Variants in CD109 observed in about 807,000 individuals in gnomAD.
CD109 encodes the protein CD109 antigen.
In CD109, 149 loss-of-function variants were observed where a neutral mutation model predicts 165.8. The ratio of observed to expected loss-of-function variants is 0.90; its 90% CI spans 0.79 to 1.03. CD109 has a LOEUF of 1.03. CD109 is among the 50% of genes least tolerant of loss of function. CD109 has a pLI of 0.00. For missense variants in CD109, 1,712 were observed against 1,677.8 expected (o/e 1.02, Z -0.36); for synonymous variants, 585 against 592.1 (o/e 0.99, Z 0.18).
At chr6:73,807,979 A>T in intron 25 of CD109, 104 bp from the exon 26 acceptor site, 1 of 938,864 alleles carries the variant, frequency 1.1e-6, no homozygotes, top group Non-Finnish European at 1.6e-6. Flanking sequence ...TACTTCATAG[A>T]CACTGAACTT....
intron 3 of CD109, among the ~76,000 whole-genome samples, chr6:73,727,040 C>T (rs1184917525): frequency 6.6e-6 from 1 of 152,164 alleles, no homozygotes; most frequent in African/African-American, 2.4e-5. Flanking sequence ...ACTGTGGCCC[C>T]AAGACGGCAG....
chr6:73,686,621 G>A, the CD109 span, among the ~76,000 whole-genome samples: 1 of 152,154 alleles, frequency 6.6e-6, no homozygotes. Context: ...TTAGCCACAT[G>A]TGGCTACTTA....
In CD109 at chr6:73,756,953, T is replaced by G. The variant is rs41265525; in HGVS notation, c.673+271T>G. Among the ~76,000 whole-genome samples, 563 of 152,352 alleles carry G rather than the reference T, an allele frequency of 3.7e-3. 2 individuals are homozygous for G. Among genetic ancestry groups the G allele is most frequent in the Non-Finnish European group, 6.5e-3 (441 of 68,030 alleles). The stretch of plus-strand genomic sequence containing the variant: ...TGATTTTTCTATTTTTCTACTTTGT[T>G]GTGATAAAAAAATATTTAAAGTGTT... On this transcript the variant is annotated intron_variant, in intron 6 of 32. Transcript: ENST00000287097.
In CD109 at chr6:73,781,333, G is replaced by A; in HGVS notation, c.1963+14G>A. On this transcript the variant is annotated intron_variant, in intron 17 of 32. Coordinates refer to ENST00000287097, the MANE Select transcript of CD109 (RefSeq NM_133493.5). ...TTGATGGTGTTTGTAAGTAATACAT[G>A]GCGACATGCTTGTATTTGTCTTTCA... 1 of 1,604,632 alleles carries A rather than the reference G, an allele frequency of 6.2e-7. No individual in the cohort carries two copies. The highest frequency in any genetic ancestry group is 8.5e-7 in the Non-Finnish European group (1 of 1,171,772).
rs575696711 is a variant in CD109 at position 73,721,610 on chromosome 6, C to T, written c.248-1641C>T. On this transcript the variant is annotated intron_variant, in intron 2 of 32. Coordinates refer to ENST00000287097, the MANE Select transcript of CD109 (RefSeq NM_133493.5). ...CAATCTCCTGACCTCATGATCCACC[C>T]GCCTCGGCCTCCCAAAGTGCTGGGA... 5.9e-5 allele frequency among the ~76,000 whole-genome samples: 9 copies of T among 152,080 alleles called. No individual in the cohort carries two copies. The East Asian group carries it at 1.4e-3, about 23-fold the overall frequency.
intron 4 of CD109, among the ~76,000 whole-genome samples, chr6:73,732,538 A>G (rs985650141): frequency 3.9e-5 from 6 of 152,344 alleles, no homozygotes; most frequent in African/African-American, 1.4e-4. Context: ...ATCTTTCATC[A>G]TTTATCCACA....
chr6:73,820,551 T>C lies in CD109; in HGVS notation c.4150T>C (p.Tyr1384His), dbSNP rs561961537. The C allele has an allele frequency of 6.3e-7, 1 of 1,582,076 alleles. No homozygotes were observed. The highest frequency in any genetic ancestry group is 1.3e-5 in the African/African-American group (1 of 74,200). Residue 1384 changes from tyrosine (Y) to histidine (H), a missense_variant, in exon 32 of 33, where the codon TAC (tyrosine) becomes CAC (histidine). By Grantham distance (83) the Tyr-to-His change is moderately conservative. Coordinates refer to ENST00000287097, the MANE Select transcript of CD109 (RefSeq NM_133493.5). ...AGATGCTTCAGTGTCCATAGTGGAT[T>C]ACTATGAGCCAAGTAAGTATGCTCT... ...TQDASVSIVD[Y>H]YEPRRQAVRS... is the part of the protein sequence containing the mutation.
intron 14 of CD109, 36 bp from the exon 15 acceptor site, chr6:73,771,393 G>C (rs557217293): frequency 4.2e-5 from 66 of 1,559,410 alleles, no homozygotes. Flanking sequence ...CTTTAAAAAA[G>C]TGAAATAAGT....
In CD109 at chr6:73,808,030, A is replaced by G. The variant is rs1775630096; in HGVS notation, c.3190-53A>G. ...GTTTCAAAGTACTTTTTGTTTCAGT[A>G]TGTGGTAATGGGTTACTCTGAATAG... On this transcript the variant is annotated intron_variant, in intron 25 of 32. Transcript: ENST00000287097. The G allele has an allele frequency of 2.6e-6, 4 of 1,514,264 alleles. No individual in the cohort carries two copies. The East Asian group carries it at 6.8e-5, about 26-fold the overall frequency. The allele number at this position is 1,514,264 out of a possible 1,614,324, so 93.8% of individuals were successfully genotyped here. A position where few individuals can be genotyped will look rare whatever the true frequency, so the allele number is the denominator to read the frequency against.
intron 2 of CD109, among the ~76,000 whole-genome samples, chr6:73,703,333 C>A (rs574691525): frequency 1.3e-5 from 2 of 152,336 alleles, no homozygotes; most frequent in Non-Finnish European, 2.9e-5. Flanking sequence ...TAATTTGAAT[C>A]GAAAGAATTA....
Position 73,771,591 on chromosome 6 carries a change from G to C in CD109, c.1827+10G>C. The C allele has an allele frequency of 6.6e-7, 1 of 1,524,516 alleles. No individual in the cohort carries two copies. The allele number at this position is 1,524,516 out of a possible 1,614,324, so 94.4% of individuals were successfully genotyped here. On this transcript the variant is annotated intron_variant, in intron 15 of 32. Coordinates refer to ENST00000287097, the MANE Select transcript of CD109 (RefSeq NM_133493.5). The stretch of plus-strand genomic sequence containing the variant: ...TATTACAATGGAAAATGTGAGTTTA[G>C]CTATTTTTTCATTATGAAAATATGT...
At chr6:73,773,118 T>TACATAC (rs1774105813) in intron 15 of CD109, among the ~76,000 whole-genome samples, 1 of 151,126 alleles carries the variant, frequency 6.6e-6, no homozygotes, top group Non-Finnish European at 1.5e-5. Context: ...CGTGTGTGTA[T>TACATAC]ACATACACAT....
intron 7 of CD109, among the ~76,000 whole-genome samples, chr6:73,761,080 A>G (rs1434828615): frequency 1.3e-5 from 2 of 150,086 alleles, no homozygotes; most frequent in Non-Finnish European, 3.0e-5. Context: ...CAAACCCAGA[A>G]ACTAAGTTTG....
At chr6:73,784,952 T>C (rs1335580016) in intron 19 of CD109, among the ~76,000 whole-genome samples, 1 of 152,138 alleles carries the variant, frequency 6.6e-6, no homozygotes, top group Admixed American at 6.5e-5. Flanking sequence ...GAAGAGCAAA[T>C]TGCTTCGGGA....
At chr6:73,697,282 A>G (rs531073210) in intron 1 of CD109, 118 bp from the exon 2 acceptor site, 2 of 805,782 alleles carry the variant, frequency 2.5e-6, no homozygotes, top group Admixed American at 2.7e-5. Flanking sequence ...ATGTTAACGG[A>G]AACAACTGCA....
At chr6:73,777,854 C>T (rs1774313776) in intron 15 of CD109, among the ~76,000 whole-genome samples, 1 of 152,134 alleles carries the variant, frequency 6.6e-6, no homozygotes, top group African/African-American at 2.4e-5. Context: ...CATGATGCCT[C>T]CAGCTTTGTT....
intron 15 of CD109, among the ~76,000 whole-genome samples, chr6:73,773,783 T>G (rs1443504438): frequency 6.6e-6 from 1 of 151,542 alleles, no homozygotes; most frequent in Non-Finnish European, 1.5e-5. Flanking sequence ...TCTATGCTGT[T>G]CTTTCATTTT....
the CD109 span, among the ~76,000 whole-genome samples, chr6:73,685,203 G>T: frequency 6.6e-6 from 1 of 151,972 alleles, no homozygotes; most frequent in Non-Finnish European, 1.5e-5. Flanking sequence ...TGCCTAGCCT[G>T]CTTTGTCCAT....
intron 9 of CD109, among the ~76,000 whole-genome samples, 199 bp from the exon 10 acceptor site, chr6:73,763,377 A>G (rs1047854995): frequency 2.0e-5 from 3 of 152,206 alleles, no homozygotes; most frequent in Non-Finnish European, 4.4e-5. Context: ...AATGGCAGCA[A>G]TGGTGCTTAG....
Sources: gnomAD v4.1 joint callset for allele counts (sites outside exome capture counted in the v4.1 genomes callset) on GRCh38, gnomAD v4.1.1 for gene constraint, MANE v1.5 for transcripts, NCBI Gene and HGNC (gene_info 2026-07-23, HGNC 2026-07-21) for gene names.